Variants in SLF1 observed in about 807,000 individuals in gnomAD.
The protein encoded by SLF1 is SMC5-SMC6 complex localization factor protein 1.
Under a neutral mutation model 123.0 loss-of-function variants are expected in SLF1, and 105 were observed. That is an observed-to-expected ratio of 0.85 (90% confidence interval 0.73 to 1.00). The LOEUF is 1.00. SLF1 is among the 50% of genes least tolerant of loss of function. The pLI is 0.00. For missense variants in SLF1, 1,239 were observed against 1,223.0 expected (o/e 1.01, Z -0.20); for synonymous variants, 434 against 406.6 (o/e 1.07, Z -0.81).
At chr5:94,688,443 A>T in intron 16 of SLF1, 63 bp from the exon 17 acceptor site, 1 of 1,520,148 alleles carries the variant, frequency 6.6e-7, no homozygotes, top group Non-Finnish European at 9.0e-7. Flanking sequence ...AAATGAATCA[A>T]ATAATTTCTC....
intron 1 of SLF1, among the ~76,000 whole-genome samples, chr5:94,620,976 CTT>C (rs779227297): frequency 1.2e-4 from 18 of 152,044 alleles, no homozygotes; most frequent in Non-Finnish European, 2.2e-4. Context: ...ATAATGAAAA[CTT>C]TGTTTCTCAT....
At chr5:94,648,879 A>G (rs1747371168) in intron 5 of SLF1, among the ~76,000 whole-genome samples, 1 of 152,260 alleles carries the variant, frequency 6.6e-6, no homozygotes, top group Admixed American at 6.5e-5. Flanking sequence ...ATAAGTATGT[A>G]TGCAATGAAT....
At chr5:94,661,628 A>G (rs1375752216) in intron 9 of SLF1, among the ~76,000 whole-genome samples, 4 of 151,044 alleles carry the variant, frequency 2.6e-5, no homozygotes, top group Non-Finnish European at 1.5e-5. Flanking sequence ...TGAGCTTCCC[A>G]GGTTCAAGCA....
chr5:94,660,144 C>G (rs1439848218), intron 9 of SLF1, among the ~76,000 whole-genome samples: 1 of 152,140 alleles, frequency 6.6e-6, no homozygotes, highest in Non-Finnish European at 1.5e-5. Flanking sequence ...GCAGAGTGGG[C>G]TGTCCTAGGC....
intron 5 of SLF1, among the ~76,000 whole-genome samples, chr5:94,645,924 G>A (rs1288938232): frequency 2.0e-5 from 3 of 152,064 alleles, no homozygotes; most frequent in African/African-American, 7.2e-5. Flanking sequence ...GGATCTTGAA[G>A]TGTCATCCAA....
intron 1 of SLF1, among the ~76,000 whole-genome samples, chr5:94,626,688 T>C (rs1379360878): frequency 6.6e-6 from 1 of 152,240 alleles, no homozygotes; most frequent in Non-Finnish European, 1.5e-5. Flanking sequence ...ATAGTTTTGA[T>C]ATGGAACCAT....
intron 10 of SLF1, among the ~76,000 whole-genome samples, chr5:94,663,269 C>T (rs1296948662): frequency 6.6e-6 from 1 of 152,200 alleles, no homozygotes; most frequent in African/African-American, 2.4e-5. Flanking sequence ...TACATTCATA[C>T]ATATCATCCT....
intron 4 of SLF1, among the ~76,000 whole-genome samples, chr5:94,638,783 T>C (rs1425004993): frequency 1.3e-5 from 2 of 152,204 alleles, no homozygotes; most frequent in Non-Finnish European, 2.9e-5. Context: ...AGGCTTGATA[T>C]TAATTGGATT....
chr5:94,675,747 A>G lies in SLF1; in HGVS notation c.1828-3061A>G, dbSNP rs915535605. Among the ~76,000 whole-genome samples the G allele has an allele frequency of 3.3e-5, 5 of 152,162 alleles. No homozygotes were observed. In the South Asian group the frequency reaches 6.2e-4, roughly 19 times the overall value. ...TCTTTTTTATCATAGTAAAAAAGCTATAGTTATTCCTCGAAATCACTGCAA... is the reference window on the plus strand; with the variant it reads ...TCTTTTTTATCATAGTAAAAAAGCTGTAGTTATTCCTCGAAATCACTGCAA... On this transcript the variant is annotated intron_variant, in intron 14 of 20. Transcript: ENST00000265140.
At chr5:94,672,311 G>A (rs187190922) in intron 14 of SLF1, among the ~76,000 whole-genome samples, 219 of 152,186 alleles carry the variant, frequency 1.4e-3, no homozygotes, top group African/African-American at 5.2e-3. Context: ...TAACAAAAAT[G>A]CTTATGTAGT....
At chr5:94,682,269 A>G (rs536468136) in intron 15 of SLF1, among the ~76,000 whole-genome samples, 2 of 152,206 alleles carry the variant, frequency 1.3e-5, no homozygotes, top group South Asian at 2.1e-4. Flanking sequence ...TGTTGTAATA[A>G]TGTCCATTTT....
intron 12 of SLF1, among the ~76,000 whole-genome samples, chr5:94,667,118 A>G (rs959922903): frequency 3.3e-5 from 5 of 152,176 alleles, no homozygotes; most frequent in African/African-American, 1.2e-4. Flanking sequence ...AAGTGAGCTA[A>G]TCAGTTAACC....
chr5:94,643,238 T>C, intron 4 of SLF1, 35 bp from the exon 5 acceptor site: 4 of 1,429,090 alleles, frequency 2.8e-6, no homozygotes, highest in Non-Finnish European at 3.7e-6. Context: ...ACTCAAATTT[T>C]CTAATACTTT....
rs1342226641 is a variant in SLF1 at position 94,678,823 on chromosome 5, C to T, written c.1843C>T (p.Leu615=). The T allele has an allele frequency of 4.3e-6, 7 of 1,612,584 alleles. No individual in the cohort carries two copies. In the African/African-American group the frequency reaches 8.0e-5, roughly 18 times the overall value. ...TTAATGTTAGGTCTTCAAACATGAA[C>T]TAGCTTACTTATTGGCTGGAATTCT... ...FKSNDVFKHE[L]AYLLAGILGA... is the part of the protein sequence containing the mutation. Residue 615 remains leucine, a synonymous_variant, in exon 15 of 21, where the codon CTA becomes TTA. Transcript: ENST00000265140.
chr5:94,667,750 TTTG>T (rs1258955062), intron 12 of SLF1, among the ~76,000 whole-genome samples: 1 of 151,906 alleles, frequency 6.6e-6, no homozygotes, highest in Non-Finnish European at 1.5e-5. Context: ...TGTTTGTTTG[TTTG>T]TTTTGTTTTG....
At chr5:94,678,489 C>A (rs1236847989) in intron 14 of SLF1, 2 of 171,130 alleles carry the variant, frequency 1.2e-5, no homozygotes, top group African/African-American at 2.4e-5. Context: ...TCTACAAAAA[C>A]CAGGTATTTT....
intron 16 of SLF1, among the ~76,000 whole-genome samples, 154 bp downstream of exon 16, chr5:94,686,872 C>T (rs1045547601): frequency 1.3e-5 from 2 of 152,224 alleles, no homozygotes; most frequent in African/African-American, 4.8e-5. Flanking sequence ...ACTGTAAGCT[C>T]CGCCTCCCGG....
In SLF1 at chr5:94,688,683, A is replaced by G; in HGVS notation, c.2285+14A>G. 6.2e-7 allele frequency: 1 copy of G among 1,613,262 alleles called. No individual in the cohort carries two copies. On this transcript the variant is annotated intron_variant, in intron 17 of 20. Transcript: ENST00000265140. The stretch of plus-strand genomic sequence containing the variant: ...GCCAGAGTTACTGTAAGTGATGCTG[A>G]TATCCCAGCTGTGCTTTGTTTTGGA...
intron 9 of SLF1, among the ~76,000 whole-genome samples, chr5:94,660,503 C>A (rs1461069191): frequency 6.6e-6 from 1 of 152,164 alleles, no homozygotes; most frequent in Non-Finnish European, 1.5e-5. Context: ...GTAGGGTAGG[C>A]CTTTCCTCAG....
Sources: allele counts gnomAD v4.1 joint callset (sites outside exome capture counted in the v4.1 genomes callset), GRCh38; gene constraint gnomAD v4.1.1; transcripts MANE v1.5; gene names NCBI Gene and HGNC (gene_info 2026-07-23, HGNC 2026-07-21).